The following DGCR2 variants were observed in gnomAD, a reference collection of about 807,000 sequenced individuals.
DGCR2 encodes the protein DiGeorge syndrome critical region gene 2, also known as integral membrane protein DGCR2/IDD.
Under a neutral mutation model 51.6 loss-of-function variants are expected in DGCR2, and 24 were observed. The ratio of observed to expected loss-of-function variants is 0.47; its 90% CI spans 0.34 to 0.65. The LOEUF is 0.65. Ranked by LOEUF, DGCR2 falls within the 30% of genes least tolerant of loss-of-function variation. DGCR2 has a pLI of 0.01. For missense variants in DGCR2, 765 were observed against 772.1 expected, an observed-to-expected ratio of 0.99 and a Z score of 0.11; for synonymous variants, 340 against 315.4, an observed-to-expected ratio of 1.08 and a Z score of -0.82.
rs1465912046 is a variant in DGCR2, at chr22:19,094,271, C to T, written c.80-4781G>A. ...GATGAAACCCCATCTCTACCAAAAA[C>T]GCAAAAATTAGATGGGTGCGGTGGC... On this transcript the variant is annotated intron_variant, in intron 1 of 9. Transcript: ENST00000263196. Among the ~76,000 whole-genome samples, 7 of 152,138 alleles carry T rather than the reference C, an allele frequency of 4.6e-5. No homozygotes were observed. The East Asian group carries it at 9.7e-4, about 21-fold the overall frequency.
intron 6 of DGCR2, chr22:19,056,386 G>T: frequency 9.8e-6 from 4 of 406,324 alleles, no homozygotes; most frequent in South Asian, 5.9e-5. Flanking sequence ...TCACACACAT[G>T]ATCCGCAAGA....
At chr22:19,042,881 C>T (rs916818344) in intron 7 of DGCR2, among the ~76,000 whole-genome samples, 1 of 152,186 alleles carries the variant, frequency 6.6e-6, no homozygotes, top group African/African-American at 2.4e-5. Flanking sequence ...CAATCCTTAA[C>T]AAGCCATGGC....
intron 5 of DGCR2, among the ~76,000 whole-genome samples, chr22:19,059,513 C>T (rs577061409): frequency 7.0e-4 from 107 of 152,226 alleles, no homozygotes; most frequent in African/African-American, 2.4e-3. Context: ...TAGAGAAAGG[C>T]CCTGTGAGCA....
At chr22:19,093,681 A>C (rs1030393200) in intron 1 of DGCR2, among the ~76,000 whole-genome samples, 1 of 152,226 alleles carries the variant, frequency 6.6e-6, no homozygotes, top group African/African-American at 2.4e-5. Context: ...TCAAATTTCA[A>C]TAAGAAAACA....
chr22:19,087,544 A>C (rs1272632413), intron 2 of DGCR2, among the ~76,000 whole-genome samples: 1 of 152,014 alleles, frequency 6.6e-6, no homozygotes, highest in East Asian at 1.9e-4. Flanking sequence ...CGCCCAGCTA[A>C]TTTTTGTATT....
chr22:19,084,294 C>A (rs1156834602), intron 2 of DGCR2, among the ~76,000 whole-genome samples: 1 of 151,910 alleles, frequency 6.6e-6, no homozygotes, highest in Non-Finnish European at 1.5e-5. Flanking sequence ...TGCCCGGCCG[C>A]CCATCATCTG....
intron 2 of DGCR2, among the ~76,000 whole-genome samples, chr22:19,068,612 C>T (rs2082777878): frequency 1.3e-5 from 2 of 152,228 alleles, no homozygotes; most frequent in African/African-American, 4.8e-5. Context: ...GCCCCTACCC[C>T]TTCCTTGAGG....
rs528752494 is a variant in DGCR2, at chr22:19,042,574, C to T, written c.1007-615G>A. 1.2e-3 allele frequency among the ~76,000 whole-genome samples: 186 copies of T among 152,272 alleles called. 3 individuals carry two copies. The highest frequency in any genetic ancestry group is 3.4e-3 in the Middle Eastern group (1 of 294). ...GTTTGGAGTGGGGGTGACGCCCCTG[C>T]GGAGCATGGCTCGGGCGGCTGCCGT... On this transcript the variant is annotated intron_variant, in intron 7 of 9. Coordinates refer to ENST00000263196, the MANE Select transcript of DGCR2 (RefSeq NM_005137.3).
At chr22:19,106,362 G>A (rs1471248923) in intron 1 of DGCR2, among the ~76,000 whole-genome samples, 7 of 152,220 alleles carry the variant, frequency 4.6e-5, no homozygotes, top group Non-Finnish European at 7.3e-5. Flanking sequence ...GAGAGGATGG[G>A]AGGCAGGAAC....
At chr22:19,093,296 G>T (rs1240992882) in intron 1 of DGCR2, among the ~76,000 whole-genome samples, 1 of 151,538 alleles carries the variant, frequency 6.6e-6, no homozygotes, top group African/African-American at 2.4e-5. Context: ...GGAGGCGGAG[G>T]TTGTGGTGAG....
At chr22:19,063,592 AC>A (rs2082713078) in intron 4 of DGCR2, among the ~76,000 whole-genome samples, 1 of 146,576 alleles carries the variant, frequency 6.8e-6, no homozygotes, top group Non-Finnish European at 1.5e-5. Flanking sequence ...CTCATGACCC[AC>A]CCGCCTCGGC....
At chr22:19,065,717 A>C (rs767375259) in intron 3 of DGCR2, 1 of 153,180 alleles carries the variant, frequency 6.5e-6, no homozygotes, top group African/African-American at 2.4e-5. Flanking sequence ...TCCGACTCCT[A>C]CACCCACACA....
At chr22:19,052,800 A>C (rs1418037395) in intron 6 of DGCR2, among the ~76,000 whole-genome samples, 1 of 152,138 alleles carries the variant, frequency 6.6e-6, no homozygotes, top group Non-Finnish European at 1.5e-5. Context: ...GGAACAAATC[A>C]TTAATAAAAG....
At chr22:19,077,075 CT>C (rs1165991971) in intron 2 of DGCR2, among the ~76,000 whole-genome samples, 1 of 152,112 alleles carries the variant, frequency 6.6e-6, no homozygotes, top group African/African-American at 2.4e-5. Context: ...TGTGGGAATT[CT>C]TTTTATATTT....
chr22:19,050,139 C>T (rs1004517301), intron 6 of DGCR2, among the ~76,000 whole-genome samples: 6 of 152,196 alleles, frequency 3.9e-5, no homozygotes, highest in Admixed American at 3.9e-4. Flanking sequence ...ACAAATTCCA[C>T]ATTCCTAGGA....
At chr22:19,087,521 G>A (rs1285452201) in intron 2 of DGCR2, among the ~76,000 whole-genome samples, 1 of 152,048 alleles carries the variant, frequency 6.6e-6, no homozygotes, top group South Asian at 2.1e-4. Flanking sequence ...GGGATTACAG[G>A]TGCTCGCCAC....
Position 19,036,742 on chromosome 22 carries a change from A to C in DGCR2, c.*2123T>G, listed in dbSNP as rs1319820468. 6.6e-6 allele frequency: 1 copy of C among 152,204 alleles called. No homozygotes were observed. The highest frequency in any genetic ancestry group is 1.5e-5 in the Non-Finnish European group (1 of 68,032). 9.4% of individuals were successfully genotyped at this position (152,204 alleles called of 1,614,324 possible). On this transcript the variant is annotated 3_prime_UTR_variant, in exon 10 of 10. Transcript: ENST00000263196. ...GTGCCAGTGGCCTGAGTGCTTGTGGAGGCCCATGGGGAAGGGGCCACCCAG... is the reference window on the plus strand; with the variant it reads ...GTGCCAGTGGCCTGAGTGCTTGTGGCGGCCCATGGGGAAGGGGCCACCCAG...
At chr22:19,111,214 T>C (rs2083310938) in intron 1 of DGCR2, among the ~76,000 whole-genome samples, 1 of 152,132 alleles carries the variant, frequency 6.6e-6, no homozygotes, top group African/African-American at 2.4e-5. Context: ...CAGAGGGTGG[T>C]CACCAGCTGG....
At chr22:19,063,346 G>T in intron 4 of DGCR2, 68 bp from the exon 5 acceptor site, 1 of 1,463,016 alleles carries the variant, frequency 6.8e-7, no homozygotes, top group Non-Finnish European at 9.5e-7. Flanking sequence ...ATGACTGTGT[G>T]TTTTTTGTTT....
Sources: allele counts gnomAD v4.1 joint callset (sites outside exome capture counted in the v4.1 genomes callset), GRCh38; gene constraint gnomAD v4.1.1; transcripts MANE v1.5; gene names NCBI Gene and HGNC (gene_info 2026-07-23, HGNC 2026-07-21).